GRB10: variants seen among roughly 807,000 people sequenced by gnomAD.
GRB10 encodes growth factor receptor-bound protein 10.
A neutral mutation model predicts 80.9 loss-of-function variants in GRB10; 20 were observed. That is an observed-to-expected ratio of 0.25 (90% CI 0.17 to 0.36). The LOEUF is 0.36. GRB10 is among the 10% of genes least tolerant of loss of function. The pLI is 1.00. For missense variants in GRB10, 548 were observed against 747.7 expected (o/e 0.73, Z 3.12); for synonymous variants, 291 against 291.5 (o/e 1.00, Z 0.02).
intron 7 of GRB10, among the ~76,000 whole-genome samples, chr7:50,668,384 A>G (rs1468929645): frequency 6.8e-6 from 1 of 146,324 alleles, no homozygotes; most frequent in Non-Finnish European, 1.5e-5. Context: ...CTAAATATGC[A>G]TTTAGCAGAA....
intron 7 of GRB10, among the ~76,000 whole-genome samples, chr7:50,632,804 C>T (rs527895549): frequency 6.6e-6 from 1 of 152,166 alleles, no homozygotes; most frequent in African/African-American, 2.4e-5. Context: ...GACTCTGTTG[C>T]GCAGGAAAGG....
chr7:50,711,758 G>C (rs2065932319), intron 4 of GRB10, among the ~76,000 whole-genome samples: 1 of 152,122 alleles, frequency 6.6e-6, no homozygotes, highest in Non-Finnish European at 1.5e-5. Flanking sequence ...CCCTCCCTCA[G>C]CCATGTAATT....
chr7:50,710,882 C>G, intron 4 of GRB10: 1 of 1,612,782 alleles, frequency 6.2e-7, no homozygotes, highest in South Asian at 1.1e-5. Flanking sequence ...GACCTTACTA[C>G]GGAACAGAGG....
At chr7:50,658,196 A>C (rs1467038418) in intron 7 of GRB10, among the ~76,000 whole-genome samples, 1 of 152,242 alleles carries the variant, frequency 6.6e-6, no homozygotes, top group Non-Finnish European at 1.5e-5. Flanking sequence ...TAAAGCGCCA[A>C]TGTCCACGTT....
chr7:50,634,819 T>C (rs973350131), intron 7 of GRB10, among the ~76,000 whole-genome samples: 2 of 152,206 alleles, frequency 1.3e-5, no homozygotes, highest in African/African-American at 4.8e-5. Context: ...ATCATAAGAA[T>C]GCATTCAATA....
intron 4 of GRB10, among the ~76,000 whole-genome samples, chr7:50,731,828 C>T (rs1045914425): frequency 6.6e-6 from 1 of 152,162 alleles, no homozygotes; most frequent in Non-Finnish European, 1.5e-5. Context: ...AGACACCAAG[C>T]CCTTTCTCCT....
At chr7:50,603,400 T>C (rs888701275) in intron 17 of GRB10, among the ~76,000 whole-genome samples, 1 of 152,188 alleles carries the variant, frequency 6.6e-6, no homozygotes, top group Non-Finnish European at 1.5e-5. Flanking sequence ...GCATGTGTAG[T>C]GGGGTTTAAC....
chr7:50,601,699 T>TA (rs1204377268), intron 17 of GRB10, among the ~76,000 whole-genome samples: 1 of 151,742 alleles, frequency 6.6e-6, no homozygotes, highest in Non-Finnish European at 1.5e-5. Context: ...ATCAAAGAAG[T>TA]AAAAAATCCT....
chr7:50,636,308 C>G (rs1243816693), intron 7 of GRB10, among the ~76,000 whole-genome samples: 1 of 152,094 alleles, frequency 6.6e-6, no homozygotes, highest in Non-Finnish European at 1.5e-5. Flanking sequence ...GCCATACAAA[C>G]AAGAGGTGGT....
chr7:50,704,242 T>C (rs1000019624), intron 4 of GRB10, among the ~76,000 whole-genome samples: 1 of 152,218 alleles, frequency 6.6e-6, no homozygotes, highest in Non-Finnish European at 1.5e-5. Context: ...ATGGAACACA[T>C]GCATTTTCTG....
chr7:50,722,679 CCAGGGTGA>C (rs1218204922), intron 4 of GRB10, among the ~76,000 whole-genome samples: 1 of 151,934 alleles, frequency 6.6e-6, no homozygotes, highest in East Asian at 1.9e-4. Context: ...GGGGAGAATG[CCAGGGTGA>C]CAAGGTGACA....
At chr7:50,606,519 G>C in intron 13 of GRB10, 105 bp from the exon 14 acceptor site, 2 of 806,930 alleles carry the variant, frequency 2.5e-6, no homozygotes, top group Non-Finnish European at 4.4e-6. Context: ...GGAACAGGGA[G>C]TGATGCCCTG....
intron 3 of GRB10, among the ~76,000 whole-genome samples, chr7:50,734,736 C>T (rs1327269494): frequency 2.0e-5 from 3 of 152,138 alleles, no homozygotes; most frequent in African/African-American, 7.2e-5. Flanking sequence ...ATGTGTGTCC[C>T]ATAAGCCCAG....
At chr7:50,625,003 T>A (rs1297829567) in intron 8 of GRB10, among the ~76,000 whole-genome samples, 1 of 152,174 alleles carries the variant, frequency 6.6e-6, no homozygotes, top group Admixed American at 6.5e-5. Context: ...ATAAGGTATG[T>A]AAATATCACA....
intron 7 of GRB10, among the ~76,000 whole-genome samples, chr7:50,648,527 CGG>C (rs1401331712): frequency 2.6e-5 from 4 of 152,228 alleles, no homozygotes; most frequent in Admixed American, 2.6e-4. Context: ...CGACCCAAGG[CGG>C]TAAGGAAGAC....
intron 2 of GRB10, among the ~76,000 whole-genome samples, chr7:50,773,314 G>A (rs2153710082): frequency 6.8e-6 from 1 of 147,636 alleles, no homozygotes; most frequent in Admixed American, 6.9e-5. Flanking sequence ...ACACCTATTA[G>A]GACAGCTATA....
chr7:50,782,934 CCGG>C (rs902807921), upstream of GRB10: 1 of 152,550 alleles, frequency 6.6e-6, no homozygotes, highest in Non-Finnish European at 1.5e-5. The surrounding 1 kb of genome is among the most constrained non-coding windows in gnomAD (Gnocchi z 6.6). Context: ...GCCCCAACGC[CCGG>C]CGGGGGCCCT....
chr7:50,742,269 GCGCACACACACACACACACA>G (rs2071977171), intron 3 of GRB10, among the ~76,000 whole-genome samples: 22 of 32,712 alleles, frequency 6.7e-4, no homozygotes, highest in African/African-American at 7.9e-4. Context: ...GCACGCGCGC[GCGCACACACACACACACACA>G]CACACACACA....
intron 2 of GRB10, among the ~76,000 whole-genome samples, chr7:50,771,270 C>A (rs905052122): frequency 6.6e-6 from 1 of 152,170 alleles, no homozygotes; most frequent in Non-Finnish European, 1.5e-5. Flanking sequence ...CATTCCATTC[C>A]GGTCCACTCC....
Sources: gnomAD v4.1 joint callset for allele counts (sites outside exome capture counted in the v4.1 genomes callset) on GRCh38, gnomAD v4.1.1 for gene constraint, Gnocchi (gnomAD v3.1) non-coding constraint, MANE v1.5 for transcripts, NCBI Gene and HGNC (gene_info 2026-07-23, HGNC 2026-07-21) for gene names.